The following SGCD variants were observed in gnomAD, a reference collection of about 807,000 sequenced individuals.
The protein encoded by SGCD is delta-sarcoglycan.
In SGCD, 18 loss-of-function variants were observed where a neutral mutation model predicts 36.6. That is an observed-to-expected ratio of 0.49 (90% CI 0.34 to 0.73). The LOEUF is 0.73. Ranked by LOEUF, SGCD falls within the 30% of genes least tolerant of loss-of-function variation. SGCD has a pLI of 0.01. For synonymous variants in SGCD, 133 were observed against 130.6 expected (o/e 1.02, Z -0.12); for missense variants, 387 against 346.7 (o/e 1.12, Z -0.92).
intron 3 of SGCD, among the ~76,000 whole-genome samples, chr5:156,391,044 C>T (rs1210012585): frequency 3.3e-5 from 5 of 152,202 alleles, no homozygotes; most frequent in Non-Finnish European, 5.9e-5. Context: ...ACCACTCACT[C>T]GCTGACTTAC....
intron 1 of SGCD, among the ~76,000 whole-genome samples, chr5:156,094,786 A>C (rs1761335872): frequency 6.6e-6 from 1 of 152,120 alleles, no homozygotes; most frequent in Admixed American, 6.5e-5. Flanking sequence ...GCAGATCATG[A>C]GGTCAAGAGA....
chr5:155,956,141 T>C (rs1419702245), intron 1 of SGCD, among the ~76,000 whole-genome samples: 1 of 149,438 alleles, frequency 6.7e-6, no homozygotes, highest in Admixed American at 6.7e-5. Flanking sequence ...CTCTCCCACC[T>C]GTCACAGCTT....
At chr5:155,998,244 G>T (rs1225168247) in intron 1 of SGCD, among the ~76,000 whole-genome samples, 2 of 152,002 alleles carry the variant, frequency 1.3e-5, no homozygotes, top group African/African-American at 4.8e-5. Context: ...TAATAATAGG[G>T]CTTGGCAAAT....
chr5:156,496,987 C>T (rs941730302), intron 3 of SGCD, among the ~76,000 whole-genome samples: 1 of 152,120 alleles, frequency 6.6e-6, no homozygotes, highest in Non-Finnish European at 1.5e-5. Context: ...CTGATTTAAT[C>T]CTCAATTTAG....
At chr5:155,785,219 TTGAAA>T in the SGCD span, among the ~76,000 whole-genome samples, 351 of 152,306 alleles carry the variant, frequency 2.3e-3, 2 homozygotes, top group Admixed American at 4.0e-3. Flanking sequence ...TAAAGAAATC[TTGAAA>T]TGAATGAGAT....
intron 3 of SGCD, among the ~76,000 whole-genome samples, chr5:156,393,595 TAG>T: frequency 6.6e-6 from 1 of 152,330 alleles, no homozygotes; most frequent in South Asian, 2.1e-4. Flanking sequence ...CTGCTCCATG[TAG>T]AGTGAAGTCA....
chr5:155,729,158 C>T, the SGCD span, among the ~76,000 whole-genome samples: 2,623 of 152,356 alleles, frequency 0.017, 77 homozygotes, highest in African/African-American at 0.06. Context: ...CCAGTTCCCT[C>T]CATCTCTAAG....
intron 1 of SGCD, among the ~76,000 whole-genome samples, chr5:156,041,859 C>A (rs1759644121): frequency 6.6e-6 from 1 of 152,168 alleles, no homozygotes; most frequent in Non-Finnish European, 1.5e-5. Context: ...CACAACTTCA[C>A]AAAGGCAGTG....
At chr5:156,035,378 G>A (rs190763749) in intron 1 of SGCD, among the ~76,000 whole-genome samples, 18 of 152,248 alleles carry the variant, frequency 1.2e-4, no homozygotes, top group Admixed American at 3.3e-4. Context: ...GGCTGTGGCG[G>A]GAGGATCACT....
At chr5:156,123,895 TTA>T (rs939081985) in exon 3 of SGCD, 2 of 152,128 alleles carry the variant, frequency 1.3e-5, no homozygotes, top group Non-Finnish European at 2.9e-5. Flanking sequence ...TTGAAGAAGG[TTA>T]TACTGGAACC....
chr5:156,041,953 A>G (rs758906760), intron 1 of SGCD, among the ~76,000 whole-genome samples: 2 of 152,152 alleles, frequency 1.3e-5, no homozygotes, highest in Non-Finnish European at 1.5e-5. Context: ...GGAATAGGAA[A>G]GAAATAGGTG....
intron 6 of SGCD, among the ~76,000 whole-genome samples, chr5:156,633,632 T>TA (rs949159721): frequency 7.2e-5 from 11 of 152,136 alleles, no homozygotes; most frequent in African/African-American, 2.2e-4. Context: ...CAAAGTGCTT[T>TA]AAAAAATGTC....
the SGCD span, among the ~76,000 whole-genome samples, chr5:155,842,926 G>A: frequency 6.6e-6 from 1 of 152,122 alleles, no homozygotes; most frequent in African/African-American, 2.4e-5. Context: ...TGTCTGATCA[G>A]TTGTTTTTCG....
intron 1 of SGCD, among the ~76,000 whole-genome samples, chr5:155,906,003 T>A: frequency 6.6e-6 from 1 of 152,144 alleles, no homozygotes; most frequent in Non-Finnish European, 1.5e-5. Context: ...TTCAGCAACC[T>A]TGCATCAAAC....
chr5:156,337,260 G>A (rs1768402360), intron 2 of SGCD, among the ~76,000 whole-genome samples: 1 of 151,994 alleles, frequency 6.6e-6, no homozygotes, highest in Non-Finnish European at 1.5e-5. Context: ...TATATAAACT[G>A]GTTACAATCT....
chr5:155,896,508 C>T (rs980207903), intron 1 of SGCD, among the ~76,000 whole-genome samples: 5 of 149,740 alleles, frequency 3.3e-5, no homozygotes, highest in African/African-American at 9.8e-5. Context: ...TAGGCAGCCA[C>T]GATGATGTGC....
intron 3 of SGCD, among the ~76,000 whole-genome samples, chr5:156,208,077 A>C (rs1239229159): frequency 6.6e-6 from 1 of 152,218 alleles, no homozygotes; most frequent in Non-Finnish European, 1.5e-5. Flanking sequence ...GAAGAATTAC[A>C]AACATAAATT....
intron 4 of SGCD, among the ~76,000 whole-genome samples, chr5:156,543,643 A>G (rs1413525524): frequency 6.6e-6 from 1 of 152,202 alleles, no homozygotes; most frequent in African/African-American, 2.4e-5. Flanking sequence ...TCATGGGAAA[A>G]CAAATGTAAG....
At chr5:155,747,836 C>T in the SGCD span, among the ~76,000 whole-genome samples, 7 of 152,172 alleles carry the variant, frequency 4.6e-5, no homozygotes, top group Non-Finnish European at 8.8e-5. Context: ...CTGAGATTAT[C>T]CTTGACGTTT....
Sources: gnomAD v4.1 joint callset for allele counts (sites outside exome capture counted in the v4.1 genomes callset) on GRCh38, gnomAD v4.1.1 for gene constraint, MANE v1.5 for transcripts, NCBI Gene and HGNC (gene_info 2026-07-23, HGNC 2026-07-21) for gene names.